ZBTB38: variants seen among roughly 807,000 people sequenced by gnomAD.
The protein encoded by ZBTB38 is zinc finger and BTB domain-containing protein 38.
A neutral mutation model predicts 76.8 loss-of-function variants in ZBTB38; 20 were observed. The ratio of observed to expected loss-of-function variants is 0.26; its 90% CI spans 0.18 to 0.38. ZBTB38 has a LOEUF of 0.38. ZBTB38 is among the 10% of genes least tolerant of loss of function. The pLI, the probability that ZBTB38 is intolerant of heterozygous loss-of-function variation, is 1.00. For missense variants in ZBTB38, 1,082 were observed against 1,482.3 expected (o/e 0.73, Z 4.43); for synonymous variants, 504 against 544.2 (o/e 0.93, Z 1.03).
intron 2 of ZBTB38, among the ~76,000 whole-genome samples, chr3:141,373,358 G>C (rs1944909261): frequency 6.6e-6 from 1 of 152,174 alleles, no homozygotes; most frequent in East Asian, 1.9e-4. Flanking sequence ...CTAAAGATCT[G>C]AGCCTGGCCT....
At chr3:141,386,823 A>G (rs1947247130) in intron 3 of ZBTB38, 49 bp from the exon 4 acceptor site, 1 of 152,674 alleles carries the variant, frequency 6.5e-6, no homozygotes, top group Non-Finnish European at 1.5e-5. Flanking sequence ...GATTGGGCTC[A>G]TCTTGCATCA....
In ZBTB38 at chr3:141,415,462, C is replaced by T. The variant is rs559219146; in HGVS notation, c.-1+11431C>T. Among the ~76,000 whole-genome samples the T allele has an allele frequency of 5.2e-4, 79 of 152,298 alleles. No individual in the cohort carries two copies. The South Asian group carries it at 6.8e-3, about 13-fold the overall frequency. On this transcript the variant is annotated intron_variant, in intron 5 of 5. Coordinates refer to ENST00000321464, the MANE Select transcript of ZBTB38 (RefSeq NM_001376113.1). ...CCCAGTGTGGTCCTCAGACTGGCAG[C>T]ATGGACATCCTCTGGGAGTCCGTTA... is the stretch of plus-strand genomic sequence containing the variant.
chr3:141,399,122 T>A (rs556964247), intron 4 of ZBTB38, among the ~76,000 whole-genome samples: 1 of 121,742 alleles, frequency 8.2e-6, no homozygotes, highest in Admixed American at 7.8e-5. Context: ...ATCAGATTTA[T>A]ATTCCTTTTT....
intron 1 of ZBTB38, among the ~76,000 whole-genome samples, chr3:141,329,825 G>A (rs535194188): frequency 3.9e-4 from 59 of 152,028 alleles, no homozygotes; most frequent in African/African-American, 1.4e-3. Flanking sequence ...AAACTCGTTG[G>A]AATAGAAAAA....
chr3:141,369,743 C>T (rs1944272140), intron 1 of ZBTB38, 129 bp from the exon 2 acceptor site: 1 of 152,190 alleles, frequency 6.6e-6, no homozygotes, highest in Admixed American at 6.5e-5. Flanking sequence ...GGAAGCTTGT[C>T]ATTTACTGGA....
chr3:141,432,421 C>T (rs1212918495), intron 5 of ZBTB38, among the ~76,000 whole-genome samples: 1 of 152,130 alleles, frequency 6.6e-6, no homozygotes, highest in East Asian at 1.9e-4. Flanking sequence ...GCCTTTTCCT[C>T]TGATTAGAAG....
At chr3:141,409,203 G>A (rs538781766) in intron 5 of ZBTB38, among the ~76,000 whole-genome samples, 27 of 152,180 alleles carry the variant, frequency 1.8e-4, no homozygotes, top group African/African-American at 4.3e-4. Context: ...CTGCCACCAC[G>A]CCCAGCTAAT....
At chr3:141,330,853 C>T (rs1302708114) in intron 1 of ZBTB38, among the ~76,000 whole-genome samples, 1 of 152,158 alleles carries the variant, frequency 6.6e-6, no homozygotes, top group African/African-American at 2.4e-5. Context: ...CTTGTGCTAC[C>T]CCAGGACTCT....
chr3:141,443,175 T>G lies in ZBTB38; in HGVS notation c.787T>G (p.Cys263Gly), dbSNP rs1381496485. 1.9e-6 allele frequency: 3 copies of G among 1,614,056 alleles called. No individual in the cohort carries two copies. The highest frequency in any genetic ancestry group is 2.5e-6 in the Non-Finnish European group (3 of 1,180,048). ...CEALAAKPKT[C>G]RKPKTFSIPQ... ...AGCCCTTGCAGCGAAACCGAAAACA[T>G]GCCGGAAGCCAAAGACATTCTCCAT... Residue 263 changes from cysteine (C) to glycine (G), a missense_variant, in exon 6 of 6, where the codon TGC (cysteine) becomes GGC (glycine). Around this residue, in one of 8 missense-constraint regions of ZBTB38, gnomAD observed 324 missense variants for 359.1 expected, o/e 0.90. Coordinates refer to ENST00000321464, the MANE Select transcript of ZBTB38 (RefSeq NM_001376113.1). The surrounding 1 kb of genome is among the most constrained non-coding windows in gnomAD (Gnocchi z 5.6).
chr3:141,331,904 G>A (rs1456348106), intron 1 of ZBTB38, among the ~76,000 whole-genome samples: 1 of 152,204 alleles, frequency 6.6e-6, no homozygotes, highest in Non-Finnish European at 1.5e-5. Flanking sequence ...TCCTCGGCTG[G>A]GGACTTCAAA....
At chr3:141,441,805 A>T (rs1338645670) in intron 5 of ZBTB38, among the ~76,000 whole-genome samples, 1 of 152,100 alleles carries the variant, frequency 6.6e-6, no homozygotes. Context: ...GGTCCCAGCT[A>T]TTCAGGAAGC....
In ZBTB38 at chr3:141,325,900, C is replaced by G. The variant is rs559848243; in HGVS notation, c.-739+1444C>G. Among the ~76,000 whole-genome samples the G allele has an allele frequency of 3.3e-5, 5 of 152,098 alleles. No individual in the cohort carries two copies. The East Asian group carries it at 7.7e-4, about 23-fold the overall frequency. On this transcript the variant is annotated intron_variant, in intron 1 of 7. Coordinates refer to the ZBTB38 transcript ENST00000509842. ...TAAGATGATTAAGGTTTTACCTGTGCGATCAATTTTACTTGTGAAACTGAC... is the reference window on the plus strand; with the variant it reads ...TAAGATGATTAAGGTTTTACCTGTGGGATCAATTTTACTTGTGAAACTGAC...
rs77037691 is a variant in ZBTB38, at chr3:141,432,534, C to T, written c.1-9855C>T. Among the ~76,000 whole-genome samples, 720 of 152,286 alleles carry T rather than the reference C, an allele frequency of 4.7e-3. 12 individuals carry two copies. Among genetic ancestry groups the T allele is most frequent in the African/African-American group, 0.017 (688 of 41,548 alleles). ...GACTGAAAAGGTTTACTTAACTCTC[C>T]TCTCTGTAATGTCTTAGAGCTTTAC... On this transcript the variant is annotated intron_variant, in intron 5 of 5. Coordinates refer to ENST00000321464, the MANE Select transcript of ZBTB38 (RefSeq NM_001376113.1).
rs1267629045 is a variant in ZBTB38, at chr3:141,444,827, C to A, written c.2439C>A (p.Ser813Arg). Residue 813 changes from serine to arginine, a missense_variant, in exon 6 of 6, where the codon AGC becomes AGA. Around this residue, in one of 8 missense-constraint regions of ZBTB38, gnomAD observed 471 missense variants for 581.0 expected, o/e 0.81. Coordinates refer to ENST00000321464, the MANE Select transcript of ZBTB38 (RefSeq NM_001376113.1). The surrounding 1 kb of genome is among the most constrained non-coding windows in gnomAD (Gnocchi z 5.1). ...SKTTNIAEET[S>R]KIETYIAKPA... Reference sequence around the variant, plus strand: ...CCACAAATATTGCTGAAGAAACCAGCAAAATTGAAACCTACATTGCAAAAC... The same window carrying A: ...CCACAAATATTGCTGAAGAAACCAGAAAAATTGAAACCTACATTGCAAAAC... The A allele has an allele frequency of 6.2e-7, 1 of 1,614,006 alleles. No homozygotes were observed. Among genetic ancestry groups the A allele is most frequent in the Non-Finnish European group, 8.5e-7 (1 of 1,180,032 alleles).
chr3:141,441,032 C>CAAAAAAAAA (rs202075469), intron 5 of ZBTB38, among the ~76,000 whole-genome samples: 2 of 64,622 alleles, frequency 3.1e-5, no homozygotes, highest in Non-Finnish European at 7.3e-5. Flanking sequence ...GACTCAATCT[C>CAAAAAAAAA]AAAAAAAAAA....
At chr3:141,366,046 C>T (rs1195649956), upstream of ZBTB38, among the ~76,000 whole-genome samples, 1 of 152,164 alleles carries the variant, frequency 6.6e-6, no homozygotes, top group Non-Finnish European at 1.5e-5. Context: ...GAGGATGCTC[C>T]ACTTCACGTA....
At chr3:141,341,130 T>C (rs1943186621) in intron 1 of ZBTB38, among the ~76,000 whole-genome samples, 1 of 152,126 alleles carries the variant, frequency 6.6e-6, no homozygotes, top group Non-Finnish European at 1.5e-5. Flanking sequence ...CTATGATGGC[T>C]ATAATAAAAA....
chr3:141,444,147 G>A lies in ZBTB38; in HGVS notation c.1759G>A (p.Glu587Lys). The stretch of plus-strand genomic sequence containing the variant: ...TAAGAGCTACCGAAATTCTTCCTAT[G>A]AAAATGCACGAGAAAACAGTCAAAT... The part of the protein sequence containing the change: ...PYKSYRNSSY[E>K]NARENSQMNE... The change falls in exon 6 of 6, where the codon GAA becomes AAA. Residue 587 changes from glutamate (E) to lysine (K), a missense_variant. By Grantham distance (56) the Glu-to-Lys change is moderately conservative. This residue lies in a region of ZBTB38 where 471 missense variants were observed against 581.0 expected (regional missense o/e 0.81). Coordinates refer to ENST00000321464, the MANE Select transcript of ZBTB38 (RefSeq NM_001376113.1). The surrounding 1 kb of genome is among the most constrained non-coding windows in gnomAD (Gnocchi z 5.1). 6.2e-7 allele frequency: 1 copy of A among 1,613,950 alleles called. No homozygotes were observed. The highest frequency in any genetic ancestry group is 8.5e-7 in the Non-Finnish European group (1 of 1,179,900).
chr3:141,370,938 A>ACAGGATCTGCTC (rs1405033551), intron 2 of ZBTB38, among the ~76,000 whole-genome samples: 2 of 152,238 alleles, frequency 1.3e-5, no homozygotes, highest in Admixed American at 6.5e-5. Flanking sequence ...AATGTATCCT[A>ACAGGATCTGCTC]CAGGATCTGC....
Sources: gnomAD v4.1 joint callset for allele counts (sites outside exome capture counted in the v4.1 genomes callset) on GRCh38, gnomAD v4.1.1 for gene constraint, gnomAD v4.1.1 regional missense constraint, Gnocchi (gnomAD v3.1) non-coding constraint, MANE v1.5 for transcripts, NCBI Gene and HGNC (gene_info 2026-07-23, HGNC 2026-07-21) for gene names.